PTK2: variants seen among roughly 807,000 people sequenced by gnomAD.
PTK2 encodes the protein focal adhesion kinase 1.
A neutral mutation model predicts 150.1 loss-of-function variants in PTK2; 45 were observed. That is an observed-to-expected ratio of 0.30 (90% CI 0.24 to 0.38). PTK2 has a LOEUF of 0.38. Ranked by LOEUF, PTK2 falls within the 10% of genes least tolerant of loss-of-function variation. The pLI, the probability that PTK2 is intolerant of heterozygous loss-of-function variation, is 1.00. For missense variants in PTK2, 919 were observed against 1,307.3 expected, an observed-to-expected ratio of 0.70 and a Z score of 4.58; for synonymous variants, 432 against 449.2, an observed-to-expected ratio of 0.96 and a Z score of 0.48.
rs372282737 is a variant in PTK2 at position 140,943,557 on chromosome 8, GAA to G, written c.-121-17810_-121-17809del. On this transcript the variant is annotated intron_variant, in intron 1 of 31. Transcript: ENST00000522684. ...AATGTTCACATAGAGGTCATTGTAAGAAAATGTTTTCATTTCTCTTGAGTAAA... is the reference window on the plus strand; with the variant it reads ...AATGTTCACATAGAGGTCATTGTAAGAATGTTTTCATTTCTCTTGAGTAAA... 4.3e-3 allele frequency among the ~76,000 whole-genome samples: 661 copies of G among 152,326 alleles called. 4 individuals are homozygous for G. Among genetic ancestry groups the G allele is most frequent in the African/African-American group, 0.015 (630 of 41,574 alleles).
intron 15 of PTK2, among the ~76,000 whole-genome samples, chr8:140,763,802 C>A (rs1361396108): frequency 2.0e-5 from 3 of 151,842 alleles, no homozygotes; most frequent in Non-Finnish European, 4.4e-5. Flanking sequence ...GGGGAAAATG[C>A]AAATTTTTGA....
At chr8:140,814,291 C>A (rs1249768569) in intron 10 of PTK2, among the ~76,000 whole-genome samples, 1 of 152,214 alleles carries the variant, frequency 6.6e-6, no homozygotes, top group Non-Finnish European at 1.5e-5. Context: ...GGACTCCTCT[C>A]TAACTCATTC....
chr8:140,783,408 G>A (rs577794093), intron 14 of PTK2, among the ~76,000 whole-genome samples: 4 of 152,206 alleles, frequency 2.6e-5, no homozygotes, highest in Non-Finnish European at 4.4e-5. Flanking sequence ...AAAATATTAC[G>A]AAGACTCTCA....
rs537648802 is a variant in PTK2, at chr8:140,752,389, T to C, written c.1333-73A>G. ...CTATATTAATTGATTCATGAAAACC[T>C]GTCTGTTTTGCAACTATGTGGGTTA... On this transcript the variant is annotated intron_variant, in intron 16 of 31. Coordinates refer to ENST00000522684, the Ensembl canonical transcript of PTK2. The C allele has an allele frequency of 1.1e-3, 1,569 of 1,388,466 alleles. 7 individuals carry two copies. The highest frequency in any genetic ancestry group is 3.5e-3 in the South Asian group (295 of 84,220). The allele number at this position is 1,388,466 out of a possible 1,614,324, so 86.0% of individuals were successfully genotyped here. A position where few individuals can be genotyped will look rare whatever the true frequency, so the allele number is the denominator to read the frequency against.
intron 10 of PTK2, among the ~76,000 whole-genome samples, chr8:140,815,566 G>GT (rs1017789912): frequency 5.3e-5 from 8 of 151,496 alleles, no homozygotes; most frequent in Non-Finnish European, 1.0e-4. Context: ...AGCTTAAAAA[G>GT]TTTTTTTAAA....
chr8:140,978,746 C>T (rs2100190285), intron 1 of PTK2, among the ~76,000 whole-genome samples: 1 of 151,750 alleles, frequency 6.6e-6, no homozygotes, highest in Admixed American at 6.6e-5. Flanking sequence ...TTTGACCCAG[C>T]CATCCCATTA....
intron 14 of PTK2, among the ~76,000 whole-genome samples, chr8:140,767,891 A>ATTACTGACC (rs1565959166): frequency 6.6e-6 from 1 of 152,198 alleles, no homozygotes; most frequent in Non-Finnish European, 1.5e-5. Context: ...AGGGCCCTAA[A>ATTACTGACC]AATTGGAGTA....
intron 8 of PTK2, among the ~76,000 whole-genome samples, chr8:140,826,070 A>G (rs2100111596): frequency 6.6e-6 from 1 of 152,214 alleles, no homozygotes; most frequent in Admixed American, 6.5e-5. Flanking sequence ...AATTATAAAT[A>G]ATCTTCTACG....
chr8:140,674,424 C>A lies in PTK2; in HGVS notation c.2603-20G>T, dbSNP rs764783039. On this transcript the variant is annotated intron_variant, in intron 28 of 31. Transcript: ENST00000522684. ...CAGGATCTGGTGAGAGAGAATGATT[C>A]CCATTAAGTCATGTGCGTTAAGAAA... The A allele has an allele frequency of 6.4e-7, 1 of 1,560,150 alleles. No homozygotes were observed. The highest frequency in any genetic ancestry group is 1.2e-5 in the South Asian group (1 of 85,222).
At position 140,852,230 on chromosome 8, in the gene PTK2, C is replaced by T. The variant is rs1301933740; in HGVS notation, c.451-5552G>A. 4.6e-5 allele frequency among the ~76,000 whole-genome samples: 7 copies of T among 152,204 alleles called. No individual in the cohort carries two copies. In the South Asian group the frequency reaches 1.4e-3, roughly 31 times the overall value. ...TTCTTATTTGCTCTCACTGAATGCA[C>T]ACCCTGTTGGTAGGTACAACAGATT... On this transcript the variant is annotated intron_variant, in intron 5 of 31. Coordinates refer to ENST00000522684, the Ensembl canonical transcript of PTK2.
intron 31 of PTK2, among the ~76,000 whole-genome samples, chr8:140,661,939 C>T (rs2080832904): frequency 6.6e-6 from 1 of 152,192 alleles, no homozygotes; most frequent in South Asian, 2.1e-4. Context: ...ACAATGGGGA[C>T]AGGAGGAGGC....
intron 2 of PTK2, among the ~76,000 whole-genome samples, chr8:140,922,610 T>C (rs2100167934): frequency 6.6e-6 from 1 of 152,178 alleles, no homozygotes; most frequent in South Asian, 2.1e-4. Context: ...TGAGTCCATC[T>C]TGGAACTTAC....
chr8:140,861,908 GA>G (rs1298275939), intron 5 of PTK2, among the ~76,000 whole-genome samples: 1 of 152,186 alleles, frequency 6.6e-6, no homozygotes, highest in African/African-American at 2.4e-5. Context: ...ATCAGGGATA[GA>G]CTGAATTTTT....
At chr8:140,706,080 A>G in intron 24 of PTK2, 39 bp downstream of exon 27, 1 of 1,506,136 alleles carries the variant, frequency 6.6e-7, no homozygotes, top group South Asian at 1.1e-5. Flanking sequence ...GCGCTAAATA[A>G]TAAAATAACA....
chr8:140,824,741 A>G (rs776109086), intron 8 of PTK2, among the ~76,000 whole-genome samples: 2 of 152,038 alleles, frequency 1.3e-5, no homozygotes, highest in African/African-American at 4.8e-5. Context: ...TCTGGATATT[A>G]ATCAATACAC....
intron 1 of PTK2, among the ~76,000 whole-genome samples, chr8:140,973,074 T>C (rs2100187938): frequency 6.6e-6 from 1 of 152,256 alleles, no homozygotes; most frequent in Non-Finnish European, 1.5e-5. Flanking sequence ...AATGTTACTG[T>C]ATGTGGTTAC....
intron 2 of PTK2, among the ~76,000 whole-genome samples, chr8:140,894,940 T>A (rs1229495569): frequency 6.6e-6 from 1 of 152,182 alleles, no homozygotes; most frequent in African/African-American, 2.4e-5. Flanking sequence ...GGATAATACA[T>A]AATCTTTGCA....
At chr8:140,709,981 A>T (rs567598124) in intron 23 of PTK2, among the ~76,000 whole-genome samples, 2 of 152,244 alleles carry the variant, frequency 1.3e-5, no homozygotes, top group South Asian at 4.2e-4. Context: ...AAAAACAAAA[A>T]ACAACAATAA....
chr8:140,770,104 T>G (rs757332432), intron 14 of PTK2, among the ~76,000 whole-genome samples: 2 of 152,220 alleles, frequency 1.3e-5, no homozygotes, highest in Non-Finnish European at 2.9e-5. Flanking sequence ...GGCCCACTAC[T>G]ATAAACTGTG....
Sources: allele counts gnomAD v4.1 joint callset (sites outside exome capture counted in the v4.1 genomes callset), GRCh38; gene constraint gnomAD v4.1.1; transcripts MANE v1.5; gene names NCBI Gene and HGNC (gene_info 2026-07-23, HGNC 2026-07-21).